Variants in SDHAF3 observed in about 807,000 individuals in gnomAD.
SDHAF3 encodes the protein succinate dehydrogenase complex assembly factor 3.
A neutral mutation model predicts 11.5 loss-of-function variants in SDHAF3; 18 were observed. That is an observed-to-expected ratio of 1.56 (90% CI 1.08 to 2.32). The LOEUF (loss-of-function observed/expected upper bound fraction) is 2.32, where lower values mean the gene tolerates loss of function less well. Among genes scored for constraint, SDHAF3 ranks in the 30% most tolerant of loss-of-function variants. The probability of loss-of-function intolerance (pLI) is 0.00; values close to 1 mark genes in which losing one functional copy is unlikely to be tolerated. For missense variants in SDHAF3, 200 were observed against 154.4 expected (o/e 1.30, Z -1.57); for synonymous variants, 72 against 59.3 (o/e 1.21, Z -0.99).
intron 1 of SDHAF3, among the ~76,000 whole-genome samples, chr7:97,161,096 A>T (rs1199084600): frequency 6.6e-6 from 1 of 152,206 alleles, no homozygotes; most frequent in Admixed American, 6.5e-5. Context: ...GCCTTTTGTG[A>T]TGCTGGGCAG....
At chr7:97,154,904 T>G (rs1172211540) in intron 1 of SDHAF3, among the ~76,000 whole-genome samples, 1 of 152,218 alleles carries the variant, frequency 6.6e-6, no homozygotes, top group South Asian at 2.1e-4. Context: ...CTATTTCTCC[T>G]GCATTTAATT....
At chr7:97,175,830 C>G (rs1789670885) in intron 1 of SDHAF3, among the ~76,000 whole-genome samples, 1 of 152,090 alleles carries the variant, frequency 6.6e-6, no homozygotes, top group Non-Finnish European at 1.5e-5. Context: ...TAGTTCACTG[C>G]TGTATTAATT....
chr7:97,141,562 C>G (rs528951332), intron 1 of SDHAF3, among the ~76,000 whole-genome samples: 1 of 152,226 alleles, frequency 6.6e-6, no homozygotes, highest in East Asian at 1.9e-4. Context: ...GGGTGAATTT[C>G]CCCCGATATC....
chr7:97,134,747 GAGA>G (rs1424137777), intron 1 of SDHAF3, among the ~76,000 whole-genome samples: 3 of 152,114 alleles, frequency 2.0e-5, no homozygotes, highest in East Asian at 1.9e-4. Context: ...TCACCCAGCT[GAGA>G]AGATGTTCTT....
At chr7:97,167,244 G>C (rs983288694) in intron 1 of SDHAF3, among the ~76,000 whole-genome samples, 1 of 151,960 alleles carries the variant, frequency 6.6e-6, no homozygotes, top group Admixed American at 6.5e-5. Flanking sequence ...GTTCTCACAA[G>C]ATCTGATGGT....
At chr7:97,180,532 A>G (rs1789753529) in intron 1 of SDHAF3, among the ~76,000 whole-genome samples, 1 of 152,158 alleles carries the variant, frequency 6.6e-6, no homozygotes, top group African/African-American at 2.4e-5. Flanking sequence ...CCCAAACTTG[A>G]GCATCATGCA....
chr7:97,126,095 C>G (rs1056409329), intron 1 of SDHAF3, among the ~76,000 whole-genome samples: 3 of 152,230 alleles, frequency 2.0e-5, no homozygotes, highest in Non-Finnish European at 4.4e-5. Flanking sequence ...GAGGTCTACT[C>G]CAGACCCTAT....
intron 1 of SDHAF3, among the ~76,000 whole-genome samples, chr7:97,129,212 G>A (rs530135830): frequency 2.0e-4 from 30 of 152,096 alleles, no homozygotes; most frequent in Non-Finnish European, 3.2e-4. Flanking sequence ...ATATAGATAG[G>A]CTTGTTGATT....
intron 1 of SDHAF3, among the ~76,000 whole-genome samples, chr7:97,155,523 A>G (rs764320235): frequency 1.3e-5 from 2 of 152,160 alleles, no homozygotes; most frequent in Non-Finnish European, 2.9e-5. Context: ...CTCCCACTGA[A>G]CTTTGTTCAT....
At chr7:97,119,994 C>T (rs1179998096) in intron 1 of SDHAF3, among the ~76,000 whole-genome samples, 1 of 152,144 alleles carries the variant, frequency 6.6e-6, no homozygotes, top group Non-Finnish European at 1.5e-5. Context: ...TAATAATCCA[C>T]GTGGTGTCTC....
At chr7:97,130,800 C>G (rs1791658146) in intron 1 of SDHAF3, among the ~76,000 whole-genome samples, 1 of 152,146 alleles carries the variant, frequency 6.6e-6, no homozygotes, top group Non-Finnish European at 1.5e-5. Context: ...GTATTCCCTA[C>G]CTGAAGGGGG....
At chr7:97,136,288 A>C (rs1047682004) in intron 1 of SDHAF3, 7 of 481,900 alleles carry the variant, frequency 1.5e-5, no homozygotes, top group Non-Finnish European at 2.2e-5. Flanking sequence ...ACTAATTAAA[A>C]GAGTTCTTTT....
intron 1 of SDHAF3, among the ~76,000 whole-genome samples, chr7:97,118,190 T>C (rs77925656): frequency 0.012 from 1,753 of 152,330 alleles, 37 homozygotes; most frequent in African/African-American, 0.04. Context: ...CGTTAAGTGC[T>C]CAAAAACCTC....
chr7:97,172,710 G>A (rs924469819), intron 1 of SDHAF3, among the ~76,000 whole-genome samples: 3 of 152,196 alleles, frequency 2.0e-5, no homozygotes, highest in Non-Finnish European at 4.4e-5. Flanking sequence ...ATGTGCTAAA[G>A]TGACAGTTCT....
intron 1 of SDHAF3, chr7:97,135,413 C>T (rs895181519): frequency 1.3e-5 from 2 of 152,170 alleles, no homozygotes; most frequent in South Asian, 2.1e-4. Context: ...TAGACGTTGT[C>T]TCTGACCTGC....
intron 1 of SDHAF3, among the ~76,000 whole-genome samples, chr7:97,173,865 A>G (rs188517445): frequency 1.2e-4 from 18 of 151,690 alleles, no homozygotes; most frequent in Non-Finnish European, 2.4e-4. Context: ...ATAATTCTTA[A>G]TACCAAACAT....
chr7:97,175,022 T>C (rs1003007359), intron 1 of SDHAF3, among the ~76,000 whole-genome samples: 1 of 152,130 alleles, frequency 6.6e-6, no homozygotes, highest in Non-Finnish European at 1.5e-5. Flanking sequence ...TTGTTTTTGG[T>C]TTTCTTGTTG....
At chr7:97,123,919 T>G (rs1417835534) in intron 1 of SDHAF3, among the ~76,000 whole-genome samples, 1 of 151,982 alleles carries the variant, frequency 6.6e-6, no homozygotes, top group Non-Finnish European at 1.5e-5. Flanking sequence ...ATGGATAGAT[T>G]GCAAAAATTT....
chr7:97,143,505 C>T (rs1017183207), intron 1 of SDHAF3, among the ~76,000 whole-genome samples: 8 of 152,166 alleles, frequency 5.3e-5, no homozygotes, highest in Non-Finnish European at 1.2e-4. Flanking sequence ...TTCTTATAGC[C>T]TTTGCATCCT....
Sources: gnomAD v4.1 joint callset for allele counts (sites outside exome capture counted in the v4.1 genomes callset) on GRCh38, gnomAD v4.1.1 for gene constraint, MANE v1.5 for transcripts, NCBI Gene and HGNC (gene_info 2026-07-23, HGNC 2026-07-21) for gene names.